Variants in ADCY8 observed in about 807,000 individuals in gnomAD.
ADCY8 encodes the protein adenylate cyclase 8, also known as adenylate cyclase type 8.
Under a neutral mutation model 119.7 loss-of-function variants are expected in ADCY8, and 51 were observed. The observed-to-expected ratio is 0.43, with a 90% CI of 0.34 to 0.54. The LOEUF (loss-of-function observed/expected upper bound fraction) is 0.54, where lower values mean the gene tolerates loss of function less well. Ranked by LOEUF, ADCY8 falls within the 20% of genes least tolerant of loss-of-function variation. ADCY8 has a pLI of 0.03. For missense variants in ADCY8, 1,383 were observed against 1,598.8 expected (o/e 0.87, Z 2.30); for synonymous variants, 665 against 651.0 (o/e 1.02, Z -0.33).
chr8:130,877,093 T>C (rs1316847087), intron 8 of ADCY8, among the ~76,000 whole-genome samples: 3 of 152,196 alleles, frequency 2.0e-5, no homozygotes, highest in Non-Finnish European at 4.4e-5. Context: ...AGGTAAAACA[T>C]TTAAAATAGT....
At chr8:131,024,567 T>A (rs1012833993) in intron 1 of ADCY8, among the ~76,000 whole-genome samples, 1 of 152,202 alleles carries the variant, frequency 6.6e-6, no homozygotes, top group Non-Finnish European at 1.5e-5. Flanking sequence ...TTTCACAAAA[T>A]GGCTGTTGAT....
At chr8:130,930,836 T>A (rs1209383970) in intron 5 of ADCY8, among the ~76,000 whole-genome samples, 1 of 152,186 alleles carries the variant, frequency 6.6e-6, no homozygotes, top group Non-Finnish European at 1.5e-5. Context: ...AAGATATAAG[T>A]AATTTACATC....
intron 2 of ADCY8, among the ~76,000 whole-genome samples, chr8:130,981,903 TCTATATAC>T (rs1822251579): frequency 6.6e-6 from 1 of 152,224 alleles, no homozygotes; most frequent in Admixed American, 6.5e-5. Flanking sequence ...TCAGATGCTT[TCTATATAC>T]TGCTTGATTT....
At chr8:130,781,753 C>T (rs1222023613) in intron 17 of ADCY8, among the ~76,000 whole-genome samples, 1 of 152,174 alleles carries the variant, frequency 6.6e-6, no homozygotes. Context: ...CTTTTAAAGA[C>T]AGTTTCAGTG....
chr8:130,897,269 C>A (rs1340062347), intron 7 of ADCY8, among the ~76,000 whole-genome samples: 1 of 152,038 alleles, frequency 6.6e-6, no homozygotes, highest in Non-Finnish European at 1.5e-5. Context: ...TCTTCCTTTT[C>A]TTCTAATAAA....
At chr8:130,912,080 A>C (rs1004683802) in intron 5 of ADCY8, among the ~76,000 whole-genome samples, 15 of 152,160 alleles carry the variant, frequency 9.9e-5, no homozygotes, top group African/African-American at 3.6e-4. Flanking sequence ...TTTCAATGGA[A>C]GAGCTTCTAC....
chr8:130,804,889 G>C (rs926581409), intron 14 of ADCY8, among the ~76,000 whole-genome samples: 2 of 152,194 alleles, frequency 1.3e-5, no homozygotes, highest in African/African-American at 4.8e-5. Flanking sequence ...TGGGGTTACA[G>C]GCGCCTGCCA....
chr8:130,827,436 C>G lies in ADCY8; in HGVS notation c.2676-6016G>C, dbSNP rs192305138. Reference sequence around the variant, plus strand: ...ATTAGGGTGGGGCAGCCAGCTTTCCCCATGCTCTATGTAAACATCATACCT... The same window carrying G: ...ATTAGGGTGGGGCAGCCAGCTTTCCGCATGCTCTATGTAAACATCATACCT... On this transcript the variant is annotated intron_variant, in intron 12 of 17. Transcript: ENST00000286355. 9.9e-3 allele frequency among the ~76,000 whole-genome samples: 1,509 copies of G among 152,268 alleles called. 6 individuals carry two copies. Among genetic ancestry groups the G allele is most frequent in the Non-Finnish European group, 0.014 (980 of 68,034 alleles).
intron 1 of ADCY8, 46 bp downstream of exon 1, chr8:131,039,328 C>G (rs1824272325): frequency 6.3e-7 from 1 of 1,595,132 alleles, no homozygotes; most frequent in African/African-American, 1.3e-5. Flanking sequence ...GATCAATAAC[C>G]CGGGGAAGTT....
intron 11 of ADCY8, among the ~76,000 whole-genome samples, chr8:130,840,706 T>C (rs1290233684): frequency 2.0e-5 from 3 of 152,204 alleles, no homozygotes; most frequent in Non-Finnish European, 4.4e-5. Context: ...AACAGTAGGT[T>C]GAATACAGTG....
chr8:130,926,176 A>G lies in ADCY8; in HGVS notation c.1481+10897T>C, dbSNP rs372925186. ...CATACAAACACATATAAACACACAC[A>G]TATATACCACACAGGTACATACATT... On this transcript the variant is annotated intron_variant, in intron 5 of 17. Transcript: ENST00000286355. Among the ~76,000 whole-genome samples, 35 of 152,316 alleles carry G rather than the reference A, an allele frequency of 2.3e-4. No homozygotes were observed. The South Asian group carries it at 6.4e-3, about 28-fold the overall frequency.
intron 14 of ADCY8, among the ~76,000 whole-genome samples, chr8:130,806,612 G>A (rs948851197): frequency 4.6e-5 from 7 of 152,302 alleles, no homozygotes; most frequent in East Asian, 1.9e-4. Context: ...GAGTGAGCTC[G>A]TTTGACATTG....
At chr8:130,860,309 C>A (rs1232081046) in intron 9 of ADCY8, among the ~76,000 whole-genome samples, 1 of 152,026 alleles carries the variant, frequency 6.6e-6, no homozygotes, top group African/African-American at 2.4e-5. Context: ...GAAATCTTTT[C>A]CCAGACACAT....
intron 2 of ADCY8, among the ~76,000 whole-genome samples, chr8:130,985,590 G>A (rs1822379241): frequency 6.6e-6 from 1 of 152,126 alleles, no homozygotes; most frequent in Non-Finnish European, 1.5e-5. Flanking sequence ...GGAGCAGAAA[G>A]AATAAAGATT....
At chr8:130,908,536 G>T (rs1313118086) in intron 6 of ADCY8, among the ~76,000 whole-genome samples, 2 of 152,178 alleles carry the variant, frequency 1.3e-5, no homozygotes, top group East Asian at 3.8e-4. Context: ...CATACCCATT[G>T]CCTGAGATAA....
intron 9 of ADCY8, among the ~76,000 whole-genome samples, chr8:130,853,212 G>A (rs926663067): frequency 7.2e-5 from 11 of 152,218 alleles, no homozygotes; most frequent in African/African-American, 2.2e-4. Context: ...TGACAGGGAA[G>A]CCAGAGCCTT....
intron 8 of ADCY8, among the ~76,000 whole-genome samples, chr8:130,873,834 T>G (rs1818455570): frequency 6.6e-6 from 1 of 152,088 alleles, no homozygotes; most frequent in African/African-American, 2.4e-5. Flanking sequence ...TAAATTTAGT[T>G]TGATTAAAGA....
chr8:130,903,782 C>T lies in ADCY8; in HGVS notation c.1901G>A (p.Gly634Glu), dbSNP rs1206469000. Residue 634 changes from glycine to glutamate, a missense_variant, in exon 7 of 18, where the codon GGG becomes GAG. Physicochemically the swap from Gly to Glu is moderately conservative, Grantham distance 98 (BLOSUM62 -2). This residue lies in a region of ADCY8 where 928 missense variants were observed against 1,163.5 expected (regional missense o/e 0.80). Coordinates refer to ENST00000286355, the MANE Select transcript of ADCY8 (RefSeq NM_001115.3). The part of the protein sequence containing the change: ...SPELPFDNIV[G>E]KQNTLAALTR... Reference sequence around the variant, plus strand: ...GAAGAGAGGACTTACATTCTGTTTCCCCACGATATTATCAAAGGGCAGTTC... The same window carrying T: ...GAAGAGAGGACTTACATTCTGTTTCTCCACGATATTATCAAAGGGCAGTTC... The T allele has an allele frequency of 6.2e-7, 1 of 1,612,218 alleles. No homozygotes were observed. Among genetic ancestry groups the T allele is most frequent in the South Asian group, 1.1e-5 (1 of 90,972 alleles).
At chr8:130,865,487 G>T (rs992703606) in intron 9 of ADCY8, among the ~76,000 whole-genome samples, 3 of 151,988 alleles carry the variant, frequency 2.0e-5, no homozygotes, top group Non-Finnish European at 1.5e-5. Context: ...GATATATTTT[G>T]TGAGCATGTC....
Sources: gnomAD v4.1 joint callset for allele counts (sites outside exome capture counted in the v4.1 genomes callset) on GRCh38, gnomAD v4.1.1 for gene constraint, gnomAD v4.1.1 regional missense constraint, MANE v1.5 for transcripts, NCBI Gene and HGNC (gene_info 2026-07-23, HGNC 2026-07-21) for gene names.